The following JAZF1 variants were observed in gnomAD, a reference collection of about 807,000 sequenced individuals.
JAZF1 encodes the protein juxtaposed with another zinc finger protein 1.
A neutral mutation model predicts 26.4 loss-of-function variants in JAZF1; 8 were observed. That is an observed-to-expected ratio of 0.30 (90% CI 0.18 to 0.55). JAZF1 has a LOEUF of 0.55. Among genes scored for constraint, JAZF1 ranks in the 20% least tolerant of loss-of-function variants. The pLI is 0.94. For missense variants in JAZF1, 199 were observed against 322.0 expected (o/e 0.62, Z 2.92); for synonymous variants, 126 against 122.3 (o/e 1.03, Z -0.20).
At chr7:27,991,775 G>A (rs891053338) in intron 2 of JAZF1, 134 bp downstream of exon 2, 15 of 603,632 alleles carry the variant, frequency 2.5e-5, no homozygotes, top group Non-Finnish European at 4.4e-5. Flanking sequence ...TCCATATACA[G>A]GTTGCTTTTA....
chr7:28,045,455 G>A (rs1783479830), intron 1 of JAZF1, among the ~76,000 whole-genome samples: 1 of 152,114 alleles, frequency 6.6e-6, no homozygotes, highest in Non-Finnish European at 1.5e-5. Context: ...TCAAAACCTA[G>A]GGCAAAGGGG....
chr7:28,096,048 G>A (rs1784378926), intron 1 of JAZF1, among the ~76,000 whole-genome samples: 1 of 152,092 alleles, frequency 6.6e-6, no homozygotes, highest in Non-Finnish European at 1.5e-5. Flanking sequence ...TGGGGGTTAG[G>A]GCTTCAACAT....
At chr7:27,904,682 CCT>C (rs1784221009) in intron 2 of JAZF1, among the ~76,000 whole-genome samples, 1 of 152,076 alleles carries the variant, frequency 6.6e-6, no homozygotes, top group Non-Finnish European at 1.5e-5. Context: ...ACTCTGAGCC[CCT>C]TTTAACATGC....
chr7:28,067,796 T>C (rs1035534793), intron 1 of JAZF1, among the ~76,000 whole-genome samples: 1 of 152,222 alleles, frequency 6.6e-6, no homozygotes, highest in African/African-American at 2.4e-5. Flanking sequence ...ACAGATGGGA[T>C]AAATGACTTT....
chr7:28,055,943 C>T (rs1783699106), intron 1 of JAZF1, among the ~76,000 whole-genome samples: 1 of 152,228 alleles, frequency 6.6e-6, no homozygotes, highest in South Asian at 2.1e-4. Flanking sequence ...ATTCAACCTC[C>T]TCTTCCTTTG....
At chr7:27,917,438 G>A (rs1388552595) in intron 2 of JAZF1, among the ~76,000 whole-genome samples, 1 of 152,198 alleles carries the variant, frequency 6.6e-6, no homozygotes, top group Non-Finnish European at 1.5e-5. Context: ...TTAGACCACA[G>A]TTCTGACTCA....
intron 1 of JAZF1, among the ~76,000 whole-genome samples, chr7:28,158,205 GGA>G (rs1222885562): frequency 7.9e-5 from 7 of 89,080 alleles, no homozygotes; most frequent in African/African-American, 1.3e-4. Context: ...AGAGAGAGAG[GGA>G]GAGAGAGAGA....
At chr7:28,113,169 A>G (rs1784689328) in intron 1 of JAZF1, among the ~76,000 whole-genome samples, 1 of 152,184 alleles carries the variant, frequency 6.6e-6, no homozygotes, top group Admixed American at 6.5e-5. Context: ...GGTATCCTAC[A>G]AACAAGGCAG....
intron 3 of JAZF1, among the ~76,000 whole-genome samples, chr7:27,860,382 G>C (rs139114693): frequency 6.6e-6 from 1 of 152,306 alleles, no homozygotes; most frequent in Non-Finnish European, 1.5e-5. Flanking sequence ...AGTATTCAAT[G>C]TTGCACTATG....
intron 1 of JAZF1, chr7:28,071,752 T>C: frequency 4.8e-6 from 2 of 412,710 alleles, no homozygotes; most frequent in South Asian, 3.6e-5. Context: ...AGGACACATC[T>C]GTGATCAGAA....
intron 1 of JAZF1, among the ~76,000 whole-genome samples, chr7:28,068,093 T>G (rs1202477706): frequency 6.6e-6 from 1 of 152,016 alleles, no homozygotes; most frequent in Non-Finnish European, 1.5e-5. Flanking sequence ...TTTTGTATAT[T>G]TAGTAAAAAC....
At chr7:27,958,087 T>C (rs1785129086) in intron 2 of JAZF1, among the ~76,000 whole-genome samples, 1 of 152,210 alleles carries the variant, frequency 6.6e-6, no homozygotes, top group African/African-American at 2.4e-5. Flanking sequence ...GTCACCTTTA[T>C]TAATTTACTC....
chr7:27,852,714 T>C (rs1283169076), intron 3 of JAZF1, among the ~76,000 whole-genome samples: 1 of 152,218 alleles, frequency 6.6e-6, no homozygotes, highest in Non-Finnish European at 1.5e-5. Context: ...TAAACAGCAA[T>C]CTACTTTACA....
At chr7:28,180,006 GC>G (rs958981932) in intron 1 of JAZF1, among the ~76,000 whole-genome samples, 4 of 131,544 alleles carry the variant, frequency 3.0e-5, no homozygotes, top group African/African-American at 1.1e-4. Flanking sequence ...TGCAGCGCCC[GC>G]CCCCCGCTGC....
In JAZF1 at chr7:28,149,554, G is replaced by A. The variant is rs562453825; in HGVS notation, c.115+30909C>T. Among the ~76,000 whole-genome samples the A allele has an allele frequency of 5.9e-5, 9 of 152,186 alleles. No homozygotes were observed. In the South Asian group the frequency reaches 1.9e-3, roughly 32 times the overall value. ...TCCTTGGCATGCCTCCCTCACCGGT[G>A]AACTTCTCAGTGTCAGAAATAGGGA... On this transcript the variant is annotated intron_variant, in intron 1 of 4. Coordinates refer to ENST00000283928, the MANE Select transcript of JAZF1 (RefSeq NM_175061.4).
intron 1 of JAZF1, among the ~76,000 whole-genome samples, chr7:28,155,836 T>C (rs935589886): frequency 6.6e-6 from 1 of 152,222 alleles, no homozygotes; most frequent in African/African-American, 2.4e-5. Context: ...TGGGTCCAAA[T>C]TCTAACCCTG....
At chr7:28,040,874 T>C (rs10486573) in intron 1 of JAZF1, among the ~76,000 whole-genome samples, 20,451 of 152,120 alleles carry the variant, frequency 0.13, 1,565 homozygotes, top group Non-Finnish European at 0.18. Flanking sequence ...AGAATCACTT[T>C]AGATATTCCA....
At chr7:28,008,463 A>G (rs1023883307) in intron 1 of JAZF1, among the ~76,000 whole-genome samples, 1 of 152,152 alleles carries the variant, frequency 6.6e-6, no homozygotes, top group African/African-American at 2.4e-5. Flanking sequence ...CATACATTTT[A>G]ATTGAGCAAT....
intron 1 of JAZF1, among the ~76,000 whole-genome samples, chr7:28,086,568 G>A (rs1252249254): frequency 2.6e-5 from 4 of 152,190 alleles, no homozygotes; most frequent in African/African-American, 7.2e-5. Context: ...CAGTCCCAGG[G>A]TAACAGAGCA....
Sources: gnomAD v4.1 joint callset for allele counts (sites outside exome capture counted in the v4.1 genomes callset) on GRCh38, gnomAD v4.1.1 for gene constraint, MANE v1.5 for transcripts, NCBI Gene and HGNC (gene_info 2026-07-23, HGNC 2026-07-21) for gene names.